Variants in LRRC71 observed in about 807,000 individuals in gnomAD.
LRRC71 encodes leucine-rich repeat-containing protein 71.
In LRRC71, 54 loss-of-function variants were observed where a neutral mutation model predicts 66.6. The observed-to-expected ratio is 0.81, with a 90% CI of 0.65 to 1.02. The LOEUF is 1.02. Ranked by LOEUF, LRRC71 falls within the 50% of genes least tolerant of loss-of-function variation. LRRC71 has a pLI of 0.00. For synonymous variants in LRRC71, 323 were observed against 303.9 expected, an observed-to-expected ratio of 1.06 and a Z score of -0.65; for missense variants, 724 against 718.0, an observed-to-expected ratio of 1.01 and a Z score of -0.10.
chr1:156,932,807 A>C (rs1215799868), intron 14 of LRRC71, 46 bp from the exon 15 acceptor site: 5 of 1,529,422 alleles, frequency 3.3e-6, no homozygotes, highest in Non-Finnish European at 4.5e-6. Context: ...CCAGAGGACT[A>C]ATCTTCATTC....
At position 156,924,071 on chromosome 1, in the gene LRRC71, G is replaced by A. The variant is rs752271297; in HGVS notation, c.283G>A (p.Ala95Thr). 5.1e-5 allele frequency: 44 copies of A among 871,118 alleles called. No individual in the cohort carries two copies. The highest frequency in any genetic ancestry group is 5.4e-5 in the Non-Finnish European group (32 of 596,442). 54.0% of individuals were successfully genotyped at this position (871,118 alleles called of 1,614,324 possible). ...CCCCCACCCGCCCTTCGTCCCCTCC[G>A]CCTCTTTGTCGGAAAAGGCCACCTT... ...PRPHPPFVPSASLSEKATLDD... is the reference protein window; with the variant it reads ...PRPHPPFVPSTSLSEKATLDD... Residue 95 changes from alanine (A) to threonine (T), a missense_variant, in exon 2 of 15, where the codon GCC becomes ACC. Physicochemically the swap from Ala to Thr is moderately conservative, Grantham distance 58. Transcript: ENST00000337428.
Position 156,929,718 on chromosome 1 carries a change from C to T in LRRC71, c.1229C>T (p.Ala410Val). ...CCTAAGAAGGAAGATGCCACAAAGGCAGGCAAGGGGAGTAAGTGCGGGTGC... is the reference window on the plus strand; with the variant it reads ...CCTAAGAAGGAAGATGCCACAAAGGTAGGCAAGGGGAGTAAGTGCGGGTGC... The part of the protein sequence containing the change: ...GTPKKEDATK[A>V]GKGKVTIPEQ... The change falls in exon 11 of 15, where the codon GCA becomes GTA. Residue 410 changes from alanine (A) to valine (V), a missense_variant. Physicochemically the swap from Ala to Val is moderately conservative, Grantham distance 64. Coordinates refer to ENST00000337428, the MANE Select transcript of LRRC71 (RefSeq NM_144702.3). 2 of 1,566,314 alleles carry T rather than the reference C, an allele frequency of 1.3e-6. No individual in the cohort carries two copies. The highest frequency in any genetic ancestry group is 2.4e-5 in the East Asian group (1 of 41,900).
Position 156,931,921 on chromosome 1 carries a change from T to C in LRRC71, c.1335T>C (p.Val445=), listed in dbSNP as rs1239272283. ...KRSILLESEL[V]VEATEVVNPL... is the part of the protein sequence containing the mutation. ...TTAGTATTCTGCTTTAGCAGCTGGT[T>C]GTTGAGGCTACTGAGGTGGTCAACC... The change falls in exon 13 of 15, where the codon GTT becomes GTC. Residue 445 remains valine (V), a synonymous_variant. Transcript: ENST00000337428. The C allele has an allele frequency of 1.3e-6, 2 of 1,583,422 alleles. No homozygotes were observed. The highest frequency in any genetic ancestry group is 1.7e-6 in the Non-Finnish European group (2 of 1,163,794).
At chr1:156,935,425 AC>A (rs1302734342), downstream of LRRC71, 1 of 151,996 alleles carries the variant, frequency 6.6e-6, no homozygotes, top group African/African-American at 2.4e-5. Flanking sequence ...TACAAGTGAA[AC>A]CCCTCTTCCC....
chr1:156,936,050 C>G (rs752313950), downstream of LRRC71: 1 of 1,613,860 alleles, frequency 6.2e-7, no homozygotes. Context: ...TCCAGGGGGG[C>G]GTCAGAGCCT....
At chr1:156,937,640 C>A, downstream of LRRC71, 2 of 826,714 alleles carry the variant, frequency 2.4e-6, no homozygotes, top group South Asian at 4.6e-5. Context: ...GGGCCTTGCT[C>A]ACTGTCTGCC....
chr1:156,939,667 T>C, the LRRC71 span: 1 of 1,614,008 alleles, frequency 6.2e-7, no homozygotes, highest in South Asian at 1.1e-5. Flanking sequence ...GGGTAGGTGT[T>C]CCAGAGAACA....
chr1:156,939,421 G>C, the LRRC71 span: 2 of 1,336,314 alleles, frequency 1.5e-6, no homozygotes, highest in Middle Eastern at 4.0e-4. Context: ...CTTCTTCCAG[G>C]ACCCAGCGTA....
downstream of LRRC71, among the ~76,000 whole-genome samples, chr1:156,936,495 AAAATATATATAT>A (rs1241238342): frequency 5.3e-5 from 3 of 57,094 alleles, no homozygotes; most frequent in South Asian, 8.7e-4. Context: ...AAAAAAAAAA[AAAATATATATAT>A]ATATATATAT....
Position 156,929,697 on chromosome 1 carries a change from A to G in LRRC71, c.1208A>G (p.Lys403Arg), listed in dbSNP as rs1192377218. The G allele has an allele frequency of 1.9e-6, 3 of 1,577,814 alleles. No homozygotes were observed. The highest frequency in any genetic ancestry group is 1.4e-5 in the African/African-American group (1 of 73,964). ...SGQSPTQGTPKKEDATKAGKG... is the reference protein window; with the variant it reads ...SGQSPTQGTPRKEDATKAGKG... ...CAGTCACCCACACAAGGAACCCCTA[A>G]GAAGGAAGATGCCACAAAGGCAGGC... Residue 403 changes from lysine to arginine, a missense_variant, in exon 11 of 15, where the codon AAG (lysine) becomes AGG (arginine). By Grantham distance (26) the Lys-to-Arg change is conservative. Coordinates refer to ENST00000337428, the MANE Select transcript of LRRC71 (RefSeq NM_144702.3).
rs1370540447 is a variant in LRRC71, at chr1:156,923,929, G to T, written c.161-20G>T. ...GGGTGGGCGTGGCCCCTTCTCTCACGCCCCTGCCTGCCCCCGCAGAGGAGT... is the reference window on the plus strand; with the variant it reads ...GGGTGGGCGTGGCCCCTTCTCTCACTCCCCTGCCTGCCCCCGCAGAGGAGT... On this transcript the variant is annotated intron_variant, in intron 1 of 14. Transcript: ENST00000337428. The T allele has an allele frequency of 6.2e-6, 9 of 1,451,992 alleles. No homozygotes were observed. The highest frequency in any genetic ancestry group is 8.2e-6 in the Non-Finnish European group (9 of 1,097,822). 89.9% of individuals were successfully genotyped at this position (1,451,992 alleles called of 1,614,324 possible).
At chr1:156,935,783 G>A (rs1654932015), downstream of LRRC71, 6 of 569,026 alleles carry the variant, frequency 1.1e-5, no homozygotes, top group Non-Finnish European at 1.9e-5. Context: ...GGCCTTGGAG[G>A]GTTGGGCTAA....
chr1:156,932,489 T>A lies in LRRC71; in HGVS notation c.1507T>A (p.Ser503Thr), dbSNP rs822431. Residue 503 changes from serine (S) to threonine (T), a missense_variant, in exon 14 of 15, where the codon TCC becomes ACC. By Grantham distance (58) the Ser-to-Thr change is moderately conservative. Coordinates refer to ENST00000337428, the MANE Select transcript of LRRC71 (RefSeq NM_144702.3). Reference sequence around the variant, plus strand: ...CACGGTGCAGTATCAGATGCAGTTCTCCAAGGCCAAGAGTGCATCCAAGGG... The same window carrying A: ...CACGGTGCAGTATCAGATGCAGTTCACCAAGGCCAAGAGTGCATCCAAGGG... ...LATVQYQMQF[S>T]KAKSASKGPV... 9 of 1,613,614 alleles carry A rather than the reference T, an allele frequency of 5.6e-6. No homozygotes were observed. The highest frequency in any genetic ancestry group is 1.3e-5 in the African/African-American group (1 of 74,814).
rs1652810790 is a variant in LRRC71 at position 156,924,103 on chromosome 1, G to A, written c.310+5G>A. On this transcript the variant is annotated splice_donor_5th_base_variant and intron_variant, in intron 2 of 14. Transcript: ENST00000337428. ...TGTCGGAAAAGGCCACCTTAGGTGAGTGACAGTGGAGCTCCCCGGTGCCTG... is the reference window on the plus strand; with the variant it reads ...TGTCGGAAAAGGCCACCTTAGGTGAATGACAGTGGAGCTCCCCGGTGCCTG... The A allele has an allele frequency of 6.5e-7, 1 of 1,548,716 alleles. No homozygotes were observed. Among genetic ancestry groups the A allele is most frequent in the Non-Finnish European group, 8.7e-7 (1 of 1,146,512 alleles).
In LRRC71 at chr1:156,931,964, G is replaced by T. The variant is rs760213755; in HGVS notation, c.1378G>T (p.Glu460Ter). The T allele has an allele frequency of 6.2e-7, 1 of 1,600,944 alleles. No homozygotes were observed. Among genetic ancestry groups the T allele is most frequent in the Non-Finnish European group, 8.5e-7 (1 of 1,173,656 alleles). The change falls in exon 13 of 15, where the codon GAG becomes TAG. Residue 460 changes from glutamate to a stop codon, truncating the protein, a stop_gained. Coordinates refer to ENST00000337428, the MANE Select transcript of LRRC71 (RefSeq NM_144702.3). LOFTEE classifies it high-confidence loss of function. ...EVVNPLLEPV[E>*]HRDGKVFMPG... Reference sequence around the variant, plus strand: ...GGTCAACCCTCTCCTGGAGCCTGTGGAGCACCGAGATGGGAAAGTTTTCAT... The same window carrying T: ...GGTCAACCCTCTCCTGGAGCCTGTGTAGCACCGAGATGGGAAAGTTTTCAT...
chr1:156,920,770 C>G lies in LRRC71; in HGVS notation c.-34C>G. Reference sequence around the variant, plus strand: ...GTGCGTTCTTACCTTCCTGCCCCGACGAAGGTCCCAGAGACGCTGCGGACA... The same window carrying G: ...GTGCGTTCTTACCTTCCTGCCCCGAGGAAGGTCCCAGAGACGCTGCGGACA... On this transcript the variant is annotated 5_prime_UTR_variant, in exon 1 of 15. Transcript: ENST00000337428. The surrounding 1 kb of genome is among the most constrained non-coding windows in gnomAD (Gnocchi z 4.9). 1.4e-6 allele frequency: 2 copies of G among 1,474,372 alleles called. No individual in the cohort carries two copies. The highest frequency in any genetic ancestry group is 1.8e-6 in the Non-Finnish European group (2 of 1,108,958). The allele number at this position is 1,474,372 out of a possible 1,614,324, so 91.3% of individuals were successfully genotyped here. A position where few individuals can be genotyped will look rare whatever the true frequency, so the allele number is the denominator to read the frequency against.
chr1:156,932,233 TGA>T (rs1654480143), intron 13 of LRRC71, 189 bp from the exon 14 acceptor site: 1 of 658,680 alleles, frequency 1.5e-6, no homozygotes. Context: ...ATTGGAGTAA[TGA>T]GAGGAGTTAG....
the LRRC71 span, among the ~76,000 whole-genome samples, chr1:156,940,678 T>C: frequency 8.5e-5 from 13 of 152,176 alleles, no homozygotes; most frequent in Non-Finnish European, 1.6e-4. Flanking sequence ...CAGTCAATTA[T>C]GTAGTTTGTT....
intron 9 of LRRC71, among the ~76,000 whole-genome samples, chr1:156,928,965 A>G (rs1653852401): frequency 6.6e-6 from 1 of 152,158 alleles, no homozygotes; most frequent in South Asian, 2.1e-4. Context: ...TAAAGACTCA[A>G]TTCCTGCAAT....
Sources: allele counts gnomAD v4.1 joint callset (sites outside exome capture counted in the v4.1 genomes callset), GRCh38; gene constraint gnomAD v4.1.1; non-coding constraint Gnocchi (gnomAD v3.1); transcripts MANE v1.5; gene names NCBI Gene and HGNC (gene_info 2026-07-23, HGNC 2026-07-21).